Variants in AUTS2 observed in about 807,000 individuals in gnomAD.
AUTS2 encodes autism susceptibility gene 2 protein.
AUTS2 carries 17 observed loss-of-function variants against 112.4 expected under a neutral mutation model. The ratio of observed to expected loss-of-function variants is 0.15; its 90% CI spans 0.10 to 0.23. The LOEUF is 0.23. Among genes scored for constraint, AUTS2 ranks in the 10% least tolerant of loss-of-function variants. The pLI is 1.00. For synonymous variants in AUTS2, 751 were observed against 702.7 expected, an observed-to-expected ratio of 1.07 and a Z score of -1.09; for missense variants, 1,510 against 1,701.6, an observed-to-expected ratio of 0.89 and a Z score of 1.98.
intron 4 of AUTS2, among the ~76,000 whole-genome samples, chr7:70,137,986 G>A (rs1806661149): frequency 6.6e-6 from 1 of 152,160 alleles, no homozygotes; most frequent in Non-Finnish European, 1.5e-5. Context: ...TTCATCCTCT[G>A]TGATTCTATA....
At chr7:70,477,761 G>A (rs899352229) in intron 5 of AUTS2, among the ~76,000 whole-genome samples, 1 of 152,176 alleles carries the variant, frequency 6.6e-6, no homozygotes, top group Admixed American at 6.5e-5. Flanking sequence ...CAAATGATGT[G>A]ATTAAAAGGC....
intron 1 of AUTS2, among the ~76,000 whole-genome samples, chr7:69,684,660 G>A (rs967689833): frequency 5.3e-5 from 8 of 152,064 alleles, no homozygotes; most frequent in Admixed American, 3.3e-4. Flanking sequence ...AGTAACTAGC[G>A]AAAAATAATA....
chr7:70,786,648 G>A (rs1010004524), intron 17 of AUTS2, among the ~76,000 whole-genome samples: 2 of 152,114 alleles, frequency 1.3e-5, no homozygotes, highest in Non-Finnish European at 2.9e-5. Context: ...TTTCTTTCAT[G>A]CTACATACCA....
At chr7:70,076,567 G>A (rs770217307) in intron 2 of AUTS2, among the ~76,000 whole-genome samples, 3 of 152,140 alleles carry the variant, frequency 2.0e-5, no homozygotes, top group Admixed American at 6.6e-5. Flanking sequence ...GTGGTTGCAG[G>A]CCACAGGCTG....
At chr7:70,695,256 CT>C (rs2129546981) in intron 5 of AUTS2, among the ~76,000 whole-genome samples, 1 of 152,292 alleles carries the variant, frequency 6.6e-6, no homozygotes, top group Non-Finnish European at 1.5e-5. Context: ...CGCCTTTGTA[CT>C]TTCCTCCCTC....
At chr7:69,819,268 A>G (rs1659268075) in intron 1 of AUTS2, among the ~76,000 whole-genome samples, 1 of 152,122 alleles carries the variant, frequency 6.6e-6, no homozygotes, top group Admixed American at 6.5e-5. Context: ...TGGGATTTGG[A>G]TTTTTGCCAC....
chr7:70,643,520 G>T (rs1361029177), intron 5 of AUTS2, among the ~76,000 whole-genome samples: 1 of 152,140 alleles, frequency 6.6e-6, no homozygotes, highest in Non-Finnish European at 1.5e-5. Flanking sequence ...GCAGTGAGCT[G>T]GGATTACGCC....
At chr7:70,080,853 T>C (rs1008936338) in intron 2 of AUTS2, among the ~76,000 whole-genome samples, 1 of 152,108 alleles carries the variant, frequency 6.6e-6, no homozygotes, top group Non-Finnish European at 1.5e-5. Flanking sequence ...AAGGACAAAG[T>C]GTTTGAAATC....
intron 1 of AUTS2, among the ~76,000 whole-genome samples, chr7:69,840,991 C>A (rs996569515): frequency 2.0e-5 from 3 of 152,128 alleles, no homozygotes; most frequent in African/African-American, 7.2e-5. Context: ...CACAAATTAC[C>A]AGCAAAGGGG....
chr7:70,128,660 A>C (rs1214313452), intron 3 of AUTS2, among the ~76,000 whole-genome samples: 2 of 152,208 alleles, frequency 1.3e-5, no homozygotes, highest in African/African-American at 2.4e-5. Context: ...CTGAACACGT[A>C]ACTTCTAGCC....
At chr7:69,735,130 T>C (rs1454669317) in intron 1 of AUTS2, among the ~76,000 whole-genome samples, 1 of 152,208 alleles carries the variant, frequency 6.6e-6, no homozygotes. Context: ...AGTCTGATTA[T>C]GTGAGATGTC....
intron 1 of AUTS2, among the ~76,000 whole-genome samples, chr7:69,878,814 A>G (rs1372790159): frequency 6.6e-6 from 1 of 152,196 alleles, no homozygotes; most frequent in Non-Finnish European, 1.5e-5. Context: ...TCATCTCTGC[A>G]TAGCCACTGA....
chr7:70,188,043 G>A (rs1462401981), intron 4 of AUTS2, among the ~76,000 whole-genome samples: 1 of 152,068 alleles, frequency 6.6e-6, no homozygotes. Context: ...AACCCCAAAA[G>A]TTAATTAACA....
intron 4 of AUTS2, among the ~76,000 whole-genome samples, chr7:70,227,325 A>AC (rs1473808593): frequency 7.0e-6 from 1 of 143,506 alleles, no homozygotes; most frequent in Non-Finnish European, 1.5e-5. Flanking sequence ...AAAAAAAAAA[A>AC]AACAACCTTT....
chr7:70,079,377 C>T (rs1803192499), intron 2 of AUTS2, among the ~76,000 whole-genome samples: 1 of 151,984 alleles, frequency 6.6e-6, no homozygotes. Context: ...TGGCAGGCTC[C>T]TGTAATCCCA....
chr7:70,490,553 C>T (rs1419334402), intron 5 of AUTS2, among the ~76,000 whole-genome samples: 1 of 152,086 alleles, frequency 6.6e-6, no homozygotes, highest in African/African-American at 2.4e-5. Context: ...GCACCCTATA[C>T]CAGCAGAGTT....
chr7:70,643,974 T>A (rs1441247108), intron 5 of AUTS2, among the ~76,000 whole-genome samples: 2 of 152,094 alleles, frequency 1.3e-5, no homozygotes, highest in African/African-American at 2.4e-5. Context: ...ACCATATCTG[T>A]GCTGCAGTAG....
chr7:70,056,469 C>A (rs995439446), intron 2 of AUTS2, among the ~76,000 whole-genome samples: 2 of 152,120 alleles, frequency 1.3e-5, no homozygotes, highest in Admixed American at 6.5e-5. Context: ...TCCCTGTCTC[C>A]ACCACTGGGA....
intron 1 of AUTS2, among the ~76,000 whole-genome samples, chr7:69,644,429 G>A (rs1794931936): frequency 6.6e-6 from 1 of 150,544 alleles, no homozygotes; most frequent in Non-Finnish European, 1.5e-5. Flanking sequence ...ACAAAATGTT[G>A]CTGTTGTAAA....
Sources: gnomAD v4.1 joint callset for allele counts (sites outside exome capture counted in the v4.1 genomes callset) on GRCh38, gnomAD v4.1.1 for gene constraint, MANE v1.5 for transcripts, NCBI Gene and HGNC (gene_info 2026-07-23, HGNC 2026-07-21) for gene names.